The following RPL22 variants were observed in gnomAD, a reference collection of about 807,000 sequenced individuals.
RPL22 encodes large ribosomal subunit protein eL22.
In RPL22, 4 loss-of-function variants were observed where a neutral mutation model predicts 16.2. The observed-to-expected ratio is 0.25, with a 90% confidence interval of 0.12 to 0.57. RPL22 has a LOEUF of 0.57. Among genes scored for constraint, RPL22 ranks in the 20% least tolerant of loss-of-function variants. The pLI is 0.92. For missense variants in RPL22, 83 were observed against 156.1 expected, an observed-to-expected ratio of 0.53 and a Z score of 2.49; for synonymous variants, 43 against 54.8, an observed-to-expected ratio of 0.78 and a Z score of 0.95.
chr1:6,196,638 A>C (rs1343351500), intron 2 of RPL22, among the ~76,000 whole-genome samples: 1 of 152,214 alleles, frequency 6.6e-6, no homozygotes, highest in African/African-American at 2.4e-5. Context: ...TATTAGAGGA[A>C]AAAGAATAAA....
chr1:6,193,403 C>A (rs1004987449), intron 2 of RPL22, among the ~76,000 whole-genome samples: 2 of 151,520 alleles, frequency 1.3e-5, no homozygotes, highest in African/African-American at 4.9e-5. Flanking sequence ...CGGCTCACTG[C>A]AACCTCCGCC....
At chr1:6,198,578 G>A (rs921962993) in intron 1 of RPL22, 7 of 152,188 alleles carry the variant, frequency 4.6e-5, no homozygotes, top group African/African-American at 1.7e-4. Context: ...GAACTAAATA[G>A]ACTTTTCCAA....
chr1:6,185,418 A>G lies in RPL22; in HGVS notation c.*1254T>C, dbSNP rs1398117876. The G allele has an allele frequency of 2.5e-6, 1 of 398,932 alleles. No homozygotes were observed. Among genetic ancestry groups the G allele is most frequent in the Non-Finnish European group, 4.4e-6 (1 of 226,056 alleles). The allele number at this position is 398,932 out of a possible 1,614,324, so 24.7% of individuals were successfully genotyped here. ...CAAAGAAATTTGCATAGAAATGGAA[A>G]AATGCCAGAGCCTTTAACACAAGTG... On this transcript the variant is annotated 3_prime_UTR_variant, in exon 4 of 4. Coordinates refer to ENST00000234875, the MANE Select transcript of RPL22 (RefSeq NM_000983.4).
chr1:6,199,208 G>A (rs1339113986), intron 1 of RPL22: 3 of 297,084 alleles, frequency 1.0e-5, no homozygotes, highest in East Asian at 5.6e-5. Flanking sequence ...CAGGGTAGCA[G>A]GTCCCGTTCT....
At chr1:6,188,878 C>T (rs1266494064) in intron 3 of RPL22, among the ~76,000 whole-genome samples, 2 of 151,994 alleles carry the variant, frequency 1.3e-5, no homozygotes, top group Non-Finnish European at 1.5e-5. Context: ...CTCCGTCTCC[C>T]GGGTTCAAGC....
In RPL22 at chr1:6,185,911, A is replaced by G; in HGVS notation, c.*761T>C. On this transcript the variant is annotated 3_prime_UTR_variant, in exon 4 of 4. Transcript: ENST00000234875. ...TTCAAGAACCTCCAGAGCTCTTGGC[A>G]TCAGGGGCCCCCATTGCTGGGCCCC... is the stretch of plus-strand genomic sequence containing the variant. 4.3e-6 allele frequency: 1 copy of G among 230,554 alleles called. No individual in the cohort carries two copies. Among genetic ancestry groups the G allele is most frequent in the Non-Finnish European group, 8.6e-6 (1 of 116,376 alleles). 14.3% of individuals were successfully genotyped at this position (230,554 alleles called of 1,614,324 possible).
intron 2 of RPL22, among the ~76,000 whole-genome samples, chr1:6,197,427 A>G (rs1667734155): frequency 6.6e-6 from 1 of 152,222 alleles, no homozygotes; most frequent in Non-Finnish European, 1.5e-5. Context: ...CTTCTTGCTT[A>G]TTCTAAGCCC....
Position 6,192,942 on chromosome 1 carries a change from G to C in RPL22, c.230C>G (p.Pro77Arg). 1 of 1,613,154 alleles carries C rather than the reference G, an allele frequency of 6.2e-7. No individual in the cohort carries two copies. Among genetic ancestry groups the C allele is most frequent in the South Asian group, 1.1e-5 (1 of 91,032 alleles). The change falls in exon 3 of 4, where the codon CCT (proline) becomes CGT (arginine). Residue 77 changes from proline to arginine, a missense_variant. Coordinates refer to ENST00000234875, the MANE Select transcript of RPL22 (RefSeq NM_000983.4). The part of the protein sequence containing the change: ...KSKITVTSEV[P>R]FSKRYLKYLT... ...TTCCCTCCTGTACCTTTTGGAGAAA[G>C]GCACCTCGGATGTCACGGTGATCTT...
chr1:6,191,118 G>C (rs1667643957), intron 3 of RPL22, among the ~76,000 whole-genome samples: 1 of 151,924 alleles, frequency 6.6e-6, no homozygotes. Context: ...CCAGCACTTT[G>C]GGAGGCCAAA....
intron 2 of RPL22, among the ~76,000 whole-genome samples, chr1:6,197,160 G>A (rs1363422284): frequency 6.6e-6 from 1 of 152,218 alleles, no homozygotes; most frequent in Non-Finnish European, 1.5e-5. Flanking sequence ...CTCCCGAGTA[G>A]CTGGGATTAC....
chr1:6,190,241 C>T (rs945257043), intron 3 of RPL22, among the ~76,000 whole-genome samples: 2 of 152,224 alleles, frequency 1.3e-5, no homozygotes, highest in African/African-American at 2.4e-5. Flanking sequence ...CACTGCTTCC[C>T]AGGCAGACTG....
chr1:6,188,570 A>G (rs1475950052), intron 3 of RPL22, among the ~76,000 whole-genome samples: 1 of 151,032 alleles, frequency 6.6e-6, no homozygotes, highest in Admixed American at 6.6e-5. Context: ...GATGAAGTGC[A>G]CCACAGTCTT....
chr1:6,196,808 A>G (rs1667723732), intron 2 of RPL22, among the ~76,000 whole-genome samples: 1 of 152,142 alleles, frequency 6.6e-6, no homozygotes, highest in Admixed American at 6.5e-5. Context: ...TCCAATTACA[A>G]TTCAGCAAGC....
Position 6,190,089 on chromosome 1 carries a change from T to C in RPL22, c.242+2841A>G, listed in dbSNP as rs572678004. Among the ~76,000 whole-genome samples, 83 of 152,242 alleles carry C rather than the reference T, an allele frequency of 5.5e-4. 1 individual carries two copies. Among genetic ancestry groups the C allele is most frequent in the African/African-American group, 1.9e-3 (77 of 41,536 alleles). ...CTCCACTGGATAAAGAACAGAAAGTTTGTGAAAACGCAAGTGACGCATGTC... is the reference window on the plus strand; with the variant it reads ...CTCCACTGGATAAAGAACAGAAAGTCTGTGAAAACGCAAGTGACGCATGTC... On this transcript the variant is annotated intron_variant, in intron 3 of 3. Coordinates refer to ENST00000234875, the MANE Select transcript of RPL22 (RefSeq NM_000983.4).
At position 6,197,682 on chromosome 1, in the gene RPL22, T is replaced by C; in HGVS notation, c.87A>G (p.Val29=). The C allele has an allele frequency of 1.9e-6, 3 of 1,613,788 alleles. No individual in the cohort carries two copies. The highest frequency in any genetic ancestry group is 2.5e-6 in the Non-Finnish European group (3 of 1,179,792). ...TGGCAGCATCCATGATTCCATCTTC[T>C]ACAGGGTGGGTGCAATCAAGAGTGA... ...LKFTLDCTHP[V]EDGIMDAANF... The change falls in exon 2 of 4, where the codon GTA becomes GTG. Residue 29 remains valine, a synonymous_variant. Transcript: ENST00000234875.
At chr1:6,189,248 C>CTCCACACCAACAAA (rs1667619135) in intron 3 of RPL22, among the ~76,000 whole-genome samples, 6 of 152,206 alleles carry the variant, frequency 3.9e-5, no homozygotes, top group Admixed American at 3.9e-4. Flanking sequence ...ACAAAGCAAT[C>CTCCACACCAACAAA]GCCACAAAGT....
At chr1:6,191,072 T>C (rs987469715) in intron 3 of RPL22, among the ~76,000 whole-genome samples, 1 of 150,848 alleles carries the variant, frequency 6.6e-6, no homozygotes, top group African/African-American at 2.4e-5. Context: ...AAAAATACAA[T>C]AATTAGGCCG....
At chr1:6,188,377 CA>C (rs984506628) in intron 3 of RPL22, among the ~76,000 whole-genome samples, 7 of 152,042 alleles carry the variant, frequency 4.6e-5, no homozygotes, top group Admixed American at 1.3e-4. Flanking sequence ...CTTTTGTGCC[CA>C]ACACCCTAAC....
At chr1:6,195,367 C>G (rs1667702053) in intron 2 of RPL22, among the ~76,000 whole-genome samples, 1 of 150,194 alleles carries the variant, frequency 6.7e-6, no homozygotes, top group Non-Finnish European at 1.5e-5. Flanking sequence ...ATGGCATGAA[C>G]ATGGGAGGCG....
Sources: allele counts gnomAD v4.1 joint callset (sites outside exome capture counted in the v4.1 genomes callset), GRCh38; gene constraint gnomAD v4.1.1; transcripts MANE v1.5; gene names NCBI Gene and HGNC (gene_info 2026-07-23, HGNC 2026-07-21).